Variants in SLC25A26 observed in about 807,000 individuals in gnomAD.
SLC25A26 encodes solute carrier family 25 member 26.
In SLC25A26, 36 loss-of-function variants were observed where a neutral mutation model predicts 37.8. That is an observed-to-expected ratio of 0.95 (90% CI 0.73 to 1.26). The LOEUF is 1.26. Ranked by LOEUF, SLC25A26 falls within the 50% of genes most tolerant of loss-of-function variation. The pLI, the probability that SLC25A26 is intolerant of heterozygous loss-of-function variation, is 0.00. For missense variants in SLC25A26, 390 were observed against 331.1 expected, an observed-to-expected ratio of 1.18 and a Z score of -1.38; for synonymous variants, 129 against 122.5, an observed-to-expected ratio of 1.05 and a Z score of -0.35.
chr3:66,358,652 C>T (rs1473552462), intron 6 of SLC25A26, among the ~76,000 whole-genome samples: 2 of 152,170 alleles, frequency 1.3e-5, no homozygotes, highest in Non-Finnish European at 2.9e-5. Flanking sequence ...CTTTGAGCCT[C>T]ATCTTTAGAC....
intron 2 of SLC25A26, among the ~76,000 whole-genome samples, chr3:66,241,192 C>G (rs1484634242): frequency 6.6e-6 from 1 of 152,010 alleles, no homozygotes; most frequent in African/African-American, 2.4e-5. Context: ...AACCCGTGTT[C>G]AAGGATCACC....
At chr3:66,292,291 C>T (rs1418821619) in intron 5 of SLC25A26, among the ~76,000 whole-genome samples, 1 of 152,076 alleles carries the variant, frequency 6.6e-6, no homozygotes, top group Non-Finnish European at 1.5e-5. Flanking sequence ...GGTCATTTAG[C>T]CTGTTTACAT....
upstream of SLC25A26, among the ~76,000 whole-genome samples, chr3:66,220,013 AATAATT>A (rs2071426009): frequency 1.3e-5 from 2 of 152,224 alleles, no homozygotes; most frequent in African/African-American, 4.8e-5. Flanking sequence ...AGAGAATAAG[AATAATT>A]ATAAGAATAA....
intron 1 of SLC25A26, among the ~76,000 whole-genome samples, chr3:66,225,460 G>A (rs186585712): frequency 1.3e-5 from 2 of 152,248 alleles, no homozygotes; most frequent in Non-Finnish European, 2.9e-5. Context: ...GCTGCACACA[G>A]CAAGGGGGCC....
chr3:66,326,048 G>C (rs2075829866), intron 5 of SLC25A26, among the ~76,000 whole-genome samples: 1 of 152,202 alleles, frequency 6.6e-6, no homozygotes, highest in Non-Finnish European at 1.5e-5. Flanking sequence ...AGGATTGGCT[G>C]CTAGCTTCTG....
chr3:66,160,557 A>G (rs1049615742), intron 1 of SLC25A26, among the ~76,000 whole-genome samples: 1 of 152,244 alleles, frequency 6.6e-6, no homozygotes. Flanking sequence ...ACAATATTGC[A>G]AAATGAATTA....
chr3:66,234,505 C>T (rs1277864107), intron 1 of SLC25A26, among the ~76,000 whole-genome samples: 2 of 152,098 alleles, frequency 1.3e-5, no homozygotes, highest in Non-Finnish European at 2.9e-5. Context: ...ACTTCAGGGT[C>T]TTTGGGCTTC....
upstream of SLC25A26, among the ~76,000 whole-genome samples, chr3:66,216,114 C>T (rs1329259159): frequency 6.6e-6 from 1 of 152,182 alleles, no homozygotes; most frequent in Non-Finnish European, 1.5e-5. Context: ...CCATCATGAC[C>T]TAATTGCCTC....
chr3:66,247,843 T>G (rs998581254), intron 3 of SLC25A26, among the ~76,000 whole-genome samples: 2 of 152,158 alleles, frequency 1.3e-5, no homozygotes, highest in African/African-American at 4.8e-5. Context: ...TGATTTCAGA[T>G]TCATGGAAGT....
intron 5 of SLC25A26, among the ~76,000 whole-genome samples, chr3:66,268,697 G>C (rs1342392516): frequency 1.3e-5 from 2 of 152,214 alleles, no homozygotes; most frequent in Non-Finnish European, 2.9e-5. Context: ...GTTTGGCTCT[G>C]TGTCCCCACC....
chr3:66,197,458 C>T (rs2106806048), intron 1 of SLC25A26, among the ~76,000 whole-genome samples: 1 of 152,192 alleles, frequency 6.6e-6, no homozygotes, highest in East Asian at 1.9e-4. Context: ...GCTTCAAGGT[C>T]AGATCAACAT....
At chr3:66,339,331 A>G (rs1292823360) in intron 5 of SLC25A26, among the ~76,000 whole-genome samples, 2 of 152,022 alleles carry the variant, frequency 1.3e-5, no homozygotes, top group Non-Finnish European at 2.9e-5. Flanking sequence ...TCCTTTGTTA[A>G]ATACACATTT....
intron 5 of SLC25A26, among the ~76,000 whole-genome samples, chr3:66,305,015 A>G (rs1314806240): frequency 6.6e-6 from 1 of 152,172 alleles, no homozygotes; most frequent in Non-Finnish European, 1.5e-5. Context: ...GAGTTCTGAG[A>G]TTCTTTATTA....
chr3:66,147,233 A>G (rs79968143), intron 1 of SLC25A26, among the ~76,000 whole-genome samples: 50,106 of 148,434 alleles, frequency 0.34, 8,710 homozygotes, highest in African/African-American at 0.4. Context: ...GCATGATGTC[A>G]GCTCACTGCA....
At chr3:66,173,225 A>G (rs2070525762) in intron 1 of SLC25A26, among the ~76,000 whole-genome samples, 2 of 152,098 alleles carry the variant, frequency 1.3e-5, no homozygotes, top group African/African-American at 4.8e-5. Context: ...CCTGTCACCA[A>G]CCCGATGCCT....
chr3:66,321,651 C>T (rs2075696353), intron 5 of SLC25A26, among the ~76,000 whole-genome samples: 1 of 151,896 alleles, frequency 6.6e-6, no homozygotes, highest in Non-Finnish European at 1.5e-5. Context: ...ATACTTGATT[C>T]ATGGGGTTGT....
intron 1 of SLC25A26, among the ~76,000 whole-genome samples, chr3:66,151,812 T>C (rs1172511946): frequency 6.6e-6 from 1 of 152,250 alleles, no homozygotes; most frequent in Non-Finnish European, 1.5e-5. Context: ...TTAACATTTA[T>C]TTATGTGAAT....
chr3:66,293,771 C>T (rs332347), intron 5 of SLC25A26, among the ~76,000 whole-genome samples: 89,332 of 152,068 alleles, frequency 0.59, 28,223 homozygotes, highest in African/African-American at 0.82. Context: ...TACCACATTT[C>T]CTTTATCCAG....
chr3:66,300,834 TA>T (rs2075055996), intron 5 of SLC25A26, among the ~76,000 whole-genome samples: 1 of 152,238 alleles, frequency 6.6e-6, no homozygotes, highest in African/African-American at 2.4e-5. Context: ...TATATTTTAG[TA>T]TCTTGTTGCA....
Sources: allele counts gnomAD v4.1 joint callset (sites outside exome capture counted in the v4.1 genomes callset), GRCh38; gene constraint gnomAD v4.1.1; transcripts MANE v1.5; gene names NCBI Gene and HGNC (gene_info 2026-07-23, HGNC 2026-07-21).